The following POLR3E variants were observed in gnomAD, a reference collection of about 807,000 sequenced individuals.
The protein encoded by POLR3E is RNA polymerase III subunit E, also known as DNA-directed RNA polymerase III subunit RPC5.
A neutral mutation model predicts 96.6 loss-of-function variants in POLR3E; 41 were observed. The ratio of observed to expected loss-of-function variants is 0.42; its 90% confidence interval spans 0.33 to 0.55. POLR3E has a LOEUF of 0.55. Ranked by LOEUF, POLR3E falls within the 20% of genes least tolerant of loss-of-function variation. The pLI, the probability that POLR3E is intolerant of heterozygous loss-of-function variation, is 0.06. For synonymous variants in POLR3E, 396 were observed against 383.6 expected (o/e 1.03, Z -0.38); for missense variants, 849 against 952.1 (o/e 0.89, Z 1.43).
intron 4 of POLR3E, chr16:22,308,524 A>T: frequency 2.1e-6 from 1 of 485,636 alleles, no homozygotes; most frequent in Non-Finnish European, 3.8e-6. Flanking sequence ...AAGAGAATCT[A>T]GCGCCTATCC....
At chr16:22,316,777 C>A in intron 10 of POLR3E, 91 bp downstream of exon 10, 1 of 1,097,840 alleles carries the variant, frequency 9.1e-7, no homozygotes, top group South Asian at 1.3e-5. Context: ...ACTGTGGCCC[C>A]TCCTGTAGCA....
chr16:22,317,306 C>CT, intron 12 of POLR3E, 100 bp downstream of exon 12: 1 of 818,342 alleles, frequency 1.2e-6, no homozygotes, highest in Admixed American at 2.2e-5. Flanking sequence ...AGGCCAGAGG[C>CT]CCCTGCTGCC....
intron 1 of POLR3E, among the ~76,000 whole-genome samples, chr16:22,298,693 T>C (rs1331855330): frequency 1.3e-5 from 2 of 152,206 alleles, no homozygotes; most frequent in Non-Finnish European, 2.9e-5. Flanking sequence ...AGACCCAAGT[T>C]TCTGTCCTCA....
chr16:22,314,777 C>G (rs2048319690), intron 8 of POLR3E: 1 of 229,524 alleles, frequency 4.4e-6, no homozygotes, highest in African/African-American at 2.3e-5. Context: ...CCCTTCCGCT[C>G]TGGGGAACTT....
Position 22,313,922 on chromosome 16 carries a change from G to A in POLR3E, c.473-157G>A, listed in dbSNP as rs2141764882. On this transcript the variant is annotated intron_variant, in intron 7 of 20. Transcript: ENST00000299853. This position sits in a 1 kb window ranked among gnomAD's most constrained non-coding sequence, Gnocchi z 4.1. Reference sequence around the variant, plus strand: ...TGCCCAGTATCCCCAGGGTAAAGGGGCAAAACTGTCCCCGATTGAGAACCA... The same window carrying A: ...TGCCCAGTATCCCCAGGGTAAAGGGACAAAACTGTCCCCGATTGAGAACCA... Among the ~76,000 whole-genome samples the A allele has an allele frequency of 6.6e-6, 1 of 152,258 alleles. No homozygotes were observed. Among genetic ancestry groups the A allele is most frequent in the Admixed American group, 6.5e-5 (1 of 15,300 alleles).
chr16:22,320,602 C>G (rs1441851581), intron 13 of POLR3E, among the ~76,000 whole-genome samples: 1 of 152,190 alleles, frequency 6.6e-6, no homozygotes, highest in Non-Finnish European at 1.5e-5. Flanking sequence ...CCCCATAAGA[C>G]ATTACTGTAT....
In POLR3E at chr16:22,326,115, C is replaced by T. The variant is rs755140834; in HGVS notation, c.1703C>T (p.Ala568Val). 6.2e-7 allele frequency: 1 copy of T among 1,613,876 alleles called. No individual in the cohort carries two copies. Among genetic ancestry groups the T allele is most frequent in the Non-Finnish European group, 8.5e-7 (1 of 1,179,980 alleles). The change falls in exon 18 of 21, where the codon GCC becomes GTC. Residue 568 changes from alanine to valine, a missense_variant. Transcript: ENST00000299853. ...VARELKAFVE[A>V]TFQRQFVLTL... ...CGGGAACTGAAGGCCTTCGTGGAGG[C>T]CACCTTTCAGAGACAGTTTGTGCTC...
chr16:22,332,507 A>G (rs1214248407), intron 20 of POLR3E, among the ~76,000 whole-genome samples: 1 of 152,036 alleles, frequency 6.6e-6, no homozygotes, highest in African/African-American at 2.4e-5. Context: ...TCTGCTTGTC[A>G]CTAGAGACAG....
In POLR3E at chr16:22,334,518, C is replaced by G. The variant is rs117291660; in HGVS notation, c.*818C>G. On this transcript the variant is annotated 3_prime_UTR_variant, in exon 21 of 21. Coordinates refer to ENST00000299853, the MANE Select transcript of POLR3E (RefSeq NM_018119.4). ...CAGCGTTACGTGTATCTAGAGGGAA[C>G]GGAGCTAATGGAGGAAGACAGAGCA... The G allele has an allele frequency of 6.6e-6, 1 of 152,052 alleles. No homozygotes were observed. Among genetic ancestry groups the G allele is most frequent in the East Asian group, 1.9e-4 (1 of 5,192 alleles). 9.4% of individuals were successfully genotyped at this position (152,052 alleles called of 1,614,324 possible).
At chr16:22,312,675 G>T (rs181849482) in intron 6 of POLR3E, among the ~76,000 whole-genome samples, 2 of 152,042 alleles carry the variant, frequency 1.3e-5, no homozygotes, top group Admixed American at 1.3e-4. Flanking sequence ...GACTATCCTG[G>T]CCAACATGGT....
At chr16:22,325,730 C>T (rs2048567810) in intron 17 of POLR3E, 31 bp from the exon 18 acceptor site, 1 of 1,526,026 alleles carries the variant, frequency 6.6e-7, no homozygotes, top group South Asian at 1.3e-5. Context: ...TCCCTGTGCC[C>T]TCCTGAGCAG....
At chr16:22,317,665 GTT>G (rs757872526) in intron 12 of POLR3E, among the ~76,000 whole-genome samples, 1 of 140,800 alleles carries the variant, frequency 7.1e-6, no homozygotes, top group South Asian at 2.3e-4. Context: ...TGTTGTTGTT[GTT>G]TTTTTTTTTA....
At chr16:22,299,718 T>A (rs2047981526) in intron 1 of POLR3E, among the ~76,000 whole-genome samples, 1 of 151,590 alleles carries the variant, frequency 6.6e-6, no homozygotes, top group African/African-American at 2.4e-5. Context: ...CTGGCTTTGT[T>A]TTCCCCCCAG....
In POLR3E at chr16:22,332,118, TC is replaced by T; in HGVS notation, c.2005del (p.Gln669SerfsTer4). On this transcript the variant is annotated frameshift_variant, in exon 20 of 21. Transcript: ENST00000299853. LOFTEE classifies it high-confidence loss of function. Reference sequence around the variant, plus strand: ...AATTACCGGGTACGCCGAAACATGATCCAGTCTCGGTTGACTCAAGAGTGTG... The same window carrying T: ...AATTACCGGGTACGCCGAAACATGATCAGTCTCGGTTGACTCAAGAGTGTG... The part of the protein sequence containing the change: ...SKNYRVRRNM[I>X]QSRLTQECGE... 1 of 1,613,898 alleles carries T rather than the reference TC, an allele frequency of 6.2e-7. No individual in the cohort carries two copies. The highest frequency in any genetic ancestry group is 8.5e-7 in the Non-Finnish European group (1 of 1,179,754).
intron 19 of POLR3E, 148 bp downstream of exon 19, chr16:22,328,735 G>A: frequency 1.5e-6 from 1 of 669,172 alleles, no homozygotes; most frequent in Non-Finnish European, 2.7e-6. Context: ...CTCCAACTCT[G>A]TACGCTAACA....
chr16:22,324,967 C>T lies in POLR3E; in HGVS notation c.1287-238C>T, dbSNP rs532287827. On this transcript the variant is annotated intron_variant, in intron 16 of 20. Transcript: ENST00000299853. Reference sequence around the variant, plus strand: ...AGGGATGTGATGGAGAGAGGGAGCACTCAGGAGCAAGAGCTGGGGCCTGGG... The same window carrying T: ...AGGGATGTGATGGAGAGAGGGAGCATTCAGGAGCAAGAGCTGGGGCCTGGG... Among the ~76,000 whole-genome samples the T allele has an allele frequency of 6.6e-5, 10 of 152,112 alleles. No individual in the cohort carries two copies. In the East Asian group the frequency reaches 1.9e-3, roughly 30 times the overall value.
At position 22,322,614 on chromosome 16, in the gene POLR3E, G is replaced by A. The variant is rs1295113317; in HGVS notation, c.987-236G>A. The stretch of plus-strand genomic sequence containing the variant: ...GCAGGGGTCTTAGGATGAGGCTGGT[G>A]TGCATGGCGGGTTGAGGGGTAATAA... On this transcript the variant is annotated intron_variant, in intron 13 of 20. Coordinates refer to ENST00000299853, the MANE Select transcript of POLR3E (RefSeq NM_018119.4). This position sits in a 1 kb window ranked among gnomAD's most constrained non-coding sequence, Gnocchi z 5.2. Among the ~76,000 whole-genome samples, 1 of 152,134 alleles carries A rather than the reference G, an allele frequency of 6.6e-6. No individual in the cohort carries two copies. Among genetic ancestry groups the A allele is most frequent in the African/African-American group, 2.4e-5 (1 of 41,422 alleles).
chr16:22,305,244 G>C (rs1317523569), intron 3 of POLR3E, 38 bp downstream of exon 3: 1 of 1,447,968 alleles, frequency 6.9e-7, no homozygotes, highest in Non-Finnish European at 9.7e-7. Flanking sequence ...GGGAGAAGCA[G>C]GTGTGGGTGG....
At chr16:22,314,421 T>C (rs1443106304) in intron 8 of POLR3E, among the ~76,000 whole-genome samples, 1 of 152,206 alleles carries the variant, frequency 6.6e-6, no homozygotes, top group Non-Finnish European at 1.5e-5. Flanking sequence ...CATGAACCTG[T>C]ATCTTAACAG....
Sources: allele counts gnomAD v4.1 joint callset (sites outside exome capture counted in the v4.1 genomes callset), GRCh38; gene constraint gnomAD v4.1.1; non-coding constraint Gnocchi (gnomAD v3.1); transcripts MANE v1.5; gene names NCBI Gene and HGNC (gene_info 2026-07-23, HGNC 2026-07-21).